The following GTF2I variants were observed in gnomAD, a reference collection of about 807,000 sequenced individuals.
GTF2I encodes general transcription factor II-I.
In GTF2I, 12 loss-of-function variants were observed where a neutral mutation model predicts 67.6. The observed-to-expected ratio is 0.18, with a 90% confidence interval of 0.11 to 0.29. The LOEUF (loss-of-function observed/expected upper bound fraction) is 0.29, where lower values mean the gene tolerates loss of function less well. GTF2I is among the 10% of genes least tolerant of loss of function. GTF2I has a pLI of 1.00. For synonymous variants in GTF2I, 149 were observed against 197.0 expected (o/e 0.76, Z 2.04); for missense variants, 271 against 580.1 (o/e 0.47, Z 5.47).
intron 1 of GTF2I, among the ~76,000 whole-genome samples, chr7:74,663,827 T>C (rs1169096850): frequency 6.6e-6 from 1 of 152,020 alleles, no homozygotes; most frequent in Non-Finnish European, 1.5e-5. Flanking sequence ...TTGCATTTTA[T>C]TTTATTATTA....
At chr7:74,703,627 G>A (rs1790143840) in intron 6 of GTF2I, among the ~76,000 whole-genome samples, 1 of 152,170 alleles carries the variant, frequency 6.6e-6, no homozygotes, top group Non-Finnish European at 1.5e-5. Flanking sequence ...TGATCCACCT[G>A]CCTCAGCCTC....
At chr7:74,726,565 C>T (rs1196831405) in intron 12 of GTF2I, 2 of 152,118 alleles carry the variant, frequency 1.3e-5, no homozygotes, top group Non-Finnish European at 2.9e-5. Context: ...GTTTTCTGTC[C>T]TGGTCCCGTG....
Position 74,711,246 on chromosome 7 carries a change from C to G in GTF2I, c.763+137C>G, listed in dbSNP as rs75095532. The G allele has an allele frequency of 1.7e-5, 8 of 470,458 alleles. No individual in the cohort carries two copies. The South Asian group carries it at 1.8e-4, about 10-fold the overall frequency. The allele number at this position is 470,458 out of a possible 1,614,324, so 29.1% of individuals were successfully genotyped here. On this transcript the variant is annotated intron_variant, in intron 9 of 34. Transcript: ENST00000573035. ...ATTGACATATATATTGTAATTCAGT[C>G]CCGGGGATAAAACATTTAAAAATGG... is the stretch of plus-strand genomic sequence containing the variant.
chr7:74,726,127 A>AC (rs150663255), intron 12 of GTF2I, among the ~76,000 whole-genome samples: 2,127 of 152,284 alleles, frequency 0.014, 58 homozygotes, highest in African/African-American at 0.048. Context: ...TCACTCAATG[A>AC]ATAGTCAGCT....
At chr7:74,725,531 TA>T (rs34123125) in intron 12 of GTF2I, among the ~76,000 whole-genome samples, 49 of 146,486 alleles carry the variant, frequency 3.3e-4, no homozygotes, top group South Asian at 6.6e-4. Flanking sequence ...CTACAAAAGT[TA>T]AAAAAAAAAA....
intron 1 of GTF2I, among the ~76,000 whole-genome samples, chr7:74,658,443 C>CGCGA (rs1310630313): frequency 4.1e-5 from 6 of 145,336 alleles, no homozygotes; most frequent in African/African-American, 1.2e-4. Flanking sequence ...CGATCCCGCG[C>CGCGA]GCGAGCGAGC....
chr7:74,712,279 A>G (rs1302350392), intron 9 of GTF2I, among the ~76,000 whole-genome samples: 2 of 152,146 alleles, frequency 1.3e-5, no homozygotes, highest in African/African-American at 4.8e-5. Flanking sequence ...AAAGCATAGT[A>G]TCAGTCTGCC....
chr7:74,670,642 A>T (rs150258498), intron 1 of GTF2I, among the ~76,000 whole-genome samples: 25 of 151,058 alleles, frequency 1.7e-4, no homozygotes, highest in Admixed American at 4.0e-4. Flanking sequence ...GTGAGCTGAG[A>T]CTACGCCACT....
chr7:74,676,737 A>T (rs1554392498), intron 1 of GTF2I, among the ~76,000 whole-genome samples: 1 of 152,158 alleles, frequency 6.6e-6, no homozygotes, highest in African/African-American at 2.4e-5. Flanking sequence ...CTTAATAATT[A>T]TAGGGAGAAC....
At chr7:74,687,080 A>G (rs895663296) in intron 1 of GTF2I, among the ~76,000 whole-genome samples, 3 of 149,600 alleles carry the variant, frequency 2.0e-5, no homozygotes, top group Admixed American at 6.7e-5. Flanking sequence ...TAGTAGAGAC[A>G]GTGTTTCGCC....
chr7:74,707,010 C>T (rs903398857), intron 8 of GTF2I, among the ~76,000 whole-genome samples: 24 of 152,132 alleles, frequency 1.6e-4, no homozygotes, highest in African/African-American at 4.6e-4. Flanking sequence ...CCATCACGCA[C>T]GACTAATTTT....
intron 11 of GTF2I, 60 bp from the exon 12 acceptor site, chr7:74,718,819 T>G: frequency 1.2e-6 from 1 of 826,296 alleles, no homozygotes; most frequent in Non-Finnish European, 1.9e-6. Context: ...AGTAAAATGT[T>G]GGAACATATG....
intron 1 of GTF2I, among the ~76,000 whole-genome samples, chr7:74,680,099 A>AAAAAAAAAAAAAAAAAAATATATATATAT: frequency 1.1e-5 from 1 of 94,986 alleles, no homozygotes; most frequent in African/African-American, 4.0e-5. Flanking sequence ...AAAAAAAAAA[A>AAAAAAAAAAAAAAAAAAATATATATATAT]ATATATATAT....
At chr7:74,688,299 G>A (rs1162831122) in intron 1 of GTF2I, among the ~76,000 whole-genome samples, 1 of 152,056 alleles carries the variant, frequency 6.6e-6, no homozygotes, top group Non-Finnish European at 1.5e-5. Context: ...GGCTAATCTC[G>A]AACTCCCGAC....
intron 1 of GTF2I, among the ~76,000 whole-genome samples, chr7:74,680,200 T>G (rs938798194): frequency 5.4e-5 from 8 of 147,160 alleles, no homozygotes; most frequent in Non-Finnish European, 1.0e-4. Context: ...TTATATATAT[T>G]TGTGTATATA....
intron 3 of GTF2I, among the ~76,000 whole-genome samples, chr7:74,694,674 T>C (rs1226294741): frequency 6.6e-6 from 1 of 152,228 alleles, no homozygotes; most frequent in Admixed American, 6.5e-5. Context: ...GCAAGTTCTT[T>C]AGAAGATCTA....
rs587656175 is a variant in GTF2I at position 74,693,745 on chromosome 7, C to T, written c.238+2634C>T. 7.9e-5 allele frequency among the ~76,000 whole-genome samples: 12 copies of T among 152,220 alleles called. No individual in the cohort carries two copies. In the East Asian group the frequency reaches 2.3e-3, roughly 29 times the overall value. ...CTTGTAGTCCCAGCTATTTGGGAGG[C>T]TGAGGCAGGTGAATTACTTGAACCT... On this transcript the variant is annotated intron_variant, in intron 3 of 34. Transcript: ENST00000573035.
chr7:74,732,091 A>ATATATATACACACATATACATATATATG, intron 14 of GTF2I, among the ~76,000 whole-genome samples: 1 of 148,640 alleles, frequency 6.7e-6, no homozygotes, highest in South Asian at 2.1e-4. Context: ...TCCTGTGTGT[A>ATATATATACACACATATACATATATATG]TATATATACA....
rs587637307 is a variant in GTF2I, at chr7:74,722,219, C to T, written c.943+3278C>T. ...GGTCATTACTTACCCACTGCCGGTG[C>T]GCTCTGAGCTGTGCACTTCCATTTG... On this transcript the variant is annotated intron_variant, in intron 12 of 34. Coordinates refer to ENST00000573035, the MANE Select transcript of GTF2I (RefSeq NM_032999.4). Among the ~76,000 whole-genome samples, 7 of 152,244 alleles carry T rather than the reference C, an allele frequency of 4.6e-5. No homozygotes were observed. In the South Asian group the frequency reaches 1.0e-3, roughly 23 times the overall value.
Sources: allele counts gnomAD v4.1 joint callset (sites outside exome capture counted in the v4.1 genomes callset), GRCh38; gene constraint gnomAD v4.1.1; transcripts MANE v1.5; gene names NCBI Gene and HGNC (gene_info 2026-07-23, HGNC 2026-07-21).